Variants in PCDHGA10 observed in about 807,000 individuals in gnomAD.
PCDHGA10 encodes the protein protocadherin gamma subfamily A, 10, also known as protocadherin gamma-A10.
In PCDHGA10, 42 loss-of-function variants were observed where a neutral mutation model predicts 59.5. That is an observed-to-expected ratio of 0.71 (90% CI 0.55 to 0.91). The LOEUF (loss-of-function observed/expected upper bound fraction) is 0.91. Ranked by LOEUF, PCDHGA10 falls within the 40% of genes least tolerant of loss-of-function variation. The probability of loss-of-function intolerance (pLI) is 0.00; values close to 1 mark genes in which losing one functional copy is unlikely to be tolerated. For synonymous variants in PCDHGA10, 511 were observed against 517.2 expected, an observed-to-expected ratio of 0.99 and a Z score of 0.16; for missense variants, 1,111 against 1,198.2, an observed-to-expected ratio of 0.93 and a Z score of 1.07.
In PCDHGA10 at chr5:141,431,964, A is replaced by G; in HGVS notation, c.2436+16353A>G. On this transcript the variant is annotated intron_variant, in intron 1 of 3. Coordinates refer to ENST00000398610, the MANE Select transcript of PCDHGA10 (RefSeq NM_018913.3). The surrounding 1 kb of genome is among the most constrained non-coding windows in gnomAD (Gnocchi z 4.8). Reference sequence around the variant, plus strand: ...TTAGAAAAATCTTACGGAAATTACTATAGTTTAGTCACAGACATAGTCTTG... The same window carrying G: ...TTAGAAAAATCTTACGGAAATTACTGTAGTTTAGTCACAGACATAGTCTTG... 2.5e-6 allele frequency: 4 copies of G among 1,614,218 alleles called. No individual in the cohort carries two copies. The highest frequency in any genetic ancestry group is 2.5e-6 in the Non-Finnish European group (3 of 1,180,028).
At chr5:141,481,718 C>T (rs942120251) in intron 1 of PCDHGA10, among the ~76,000 whole-genome samples, 6 of 152,082 alleles carry the variant, frequency 3.9e-5, no homozygotes, top group East Asian at 1.9e-4. Context: ...CTTTGGGAGG[C>T]GGAGGCGGGC....
chr5:141,415,880 A>G, intron 1 of PCDHGA10: 1 of 1,003,078 alleles, frequency 1.0e-6, no homozygotes. Flanking sequence ...TGAGTACAAT[A>G]TTGACAATTC....
intron 1 of PCDHGA10, chr5:141,423,244 C>T: frequency 1.2e-6 from 2 of 1,613,984 alleles, no homozygotes; most frequent in Non-Finnish European, 1.7e-6. Context: ...CCCCGAAGTC[C>T]TGGCGGACCT....
At position 141,431,337 on chromosome 5, in the gene PCDHGA10, A is replaced by C. The variant is rs1412811147; in HGVS notation, c.2436+15726A>C. On this transcript the variant is annotated intron_variant, in intron 1 of 3. Coordinates refer to ENST00000398610, the MANE Select transcript of PCDHGA10 (RefSeq NM_018913.3). The surrounding 1 kb of genome is among the most constrained non-coding windows in gnomAD (Gnocchi z 4.8). ...GGAGCCGACGGTAGTAAGTACCCCG[A>C]ATTGGTGCTGAAACGCGCCCTGGAC... 6.2e-7 allele frequency: 1 copy of C among 1,613,926 alleles called. No homozygotes were observed. The highest frequency in any genetic ancestry group is 1.7e-5 in the Admixed American group (1 of 60,006).
rs1057374827 is a variant in PCDHGA10, at chr5:141,485,503, C to G, written c.2437-9304C>G. 3.1e-6 allele frequency: 5 copies of G among 1,613,978 alleles called. No homozygotes were observed. Among genetic ancestry groups the G allele is most frequent in the Non-Finnish European group, 4.2e-6 (5 of 1,180,016 alleles). On this transcript the variant is annotated intron_variant, in intron 1 of 3. Coordinates refer to ENST00000398610, the MANE Select transcript of PCDHGA10 (RefSeq NM_018913.3). This position sits in a 1 kb window ranked among gnomAD's most constrained non-coding sequence, Gnocchi z 5.7. ...GCATCGTGCCCCTGGAGTTTGTCACCGAAGGTCCTTTGGAAATGTACCGAG... is the reference window on the plus strand; with the variant it reads ...GCATCGTGCCCCTGGAGTTTGTCACGGAAGGTCCTTTGGAAATGTACCGAG...
chr5:141,432,087 C>G lies in PCDHGA10; in HGVS notation c.2436+16476C>G. On this transcript the variant is annotated intron_variant, in intron 1 of 3. Coordinates refer to ENST00000398610, the MANE Select transcript of PCDHGA10 (RefSeq NM_018913.3). This position sits in a 1 kb window ranked among gnomAD's most constrained non-coding sequence, Gnocchi z 6.0. ...GAAACTCATATCTCGCTGAACGTGG[C>G]AGACACCAACGACAACCCGCCGGTC... 3 of 1,614,178 alleles carry G rather than the reference C, an allele frequency of 1.9e-6. No homozygotes were observed. The highest frequency in any genetic ancestry group is 2.5e-6 in the Non-Finnish European group (3 of 1,180,042).
In PCDHGA10 at chr5:141,489,104, A is replaced by C; in HGVS notation, c.2437-5703A>C. The stretch of plus-strand genomic sequence containing the variant: ...CCACTCGGTGACTAAGAACTGCTGC[A>C]AGCAGGCAAACCTCCGAGCAGTTTT... On this transcript the variant is annotated intron_variant, in intron 1 of 3. Coordinates refer to ENST00000398610, the MANE Select transcript of PCDHGA10 (RefSeq NM_018913.3). The surrounding 1 kb of genome is among the most constrained non-coding windows in gnomAD (Gnocchi z 4.5). 2.5e-6 allele frequency: 1 copy of C among 405,816 alleles called. No individual in the cohort carries two copies. Among genetic ancestry groups the C allele is most frequent in the Non-Finnish European group, 4.3e-6 (1 of 232,372 alleles). 25.1% of individuals were successfully genotyped at this position (405,816 alleles called of 1,614,324 possible). A position where few individuals can be genotyped will look rare whatever the true frequency, so the allele number is the denominator to read the frequency against.
intron 2 of PCDHGA10, among the ~76,000 whole-genome samples, chr5:141,503,855 TA>T (rs2099832899): frequency 1.3e-5 from 2 of 152,136 alleles, no homozygotes; most frequent in Non-Finnish European, 2.9e-5. Context: ...GGAAAAATTG[TA>T]AAGCAGTTCT....
chr5:141,492,870 C>G (rs2099744684), intron 1 of PCDHGA10, among the ~76,000 whole-genome samples: 1 of 152,192 alleles, frequency 6.6e-6, no homozygotes, highest in African/African-American at 2.4e-5. Flanking sequence ...TGGCTCTCAA[C>G]CCCCAGAGAT....
intron 1 of PCDHGA10, chr5:141,430,824 C>T: frequency 6.5e-7 from 1 of 1,547,704 alleles, no homozygotes; most frequent in Non-Finnish European, 8.7e-7. Flanking sequence ...CTCCTGGGGA[C>T]TCTGTGGGAG....
At chr5:141,429,726 C>T (rs931967000) in intron 1 of PCDHGA10, among the ~76,000 whole-genome samples, 23 of 152,068 alleles carry the variant, frequency 1.5e-4, no homozygotes, top group Admixed American at 1.3e-4. Flanking sequence ...CATGAAAGTA[C>T]GTAGCCAGTT....
At chr5:141,453,482 A>T (rs979979155) in intron 1 of PCDHGA10, among the ~76,000 whole-genome samples, 1 of 151,990 alleles carries the variant, frequency 6.6e-6, no homozygotes, top group Non-Finnish European at 1.5e-5. Context: ...CAAAACTATT[A>T]AAAAAAGGTG....
chr5:141,511,823 GC>G lies in PCDHGA10; in HGVS notation c.*653del, dbSNP rs2099883963. On this transcript the variant is annotated 3_prime_UTR_variant, in exon 4 of 4. Coordinates refer to ENST00000398610, the MANE Select transcript of PCDHGA10 (RefSeq NM_018913.3). The stretch of plus-strand genomic sequence containing the variant: ...TTTTGCTACCAAGCCTCTTCCCAAC[GC>G]CCTGGGGACCAGTCTTCTGTTTTGT... The G allele has an allele frequency of 6.4e-6, 1 of 156,728 alleles. No individual in the cohort carries two copies. The highest frequency in any genetic ancestry group is 1.9e-4 in the South Asian group (1 of 5,164). 9.7% of individuals were successfully genotyped at this position (156,728 alleles called of 1,614,324 possible).
At position 141,476,002 on chromosome 5, in the gene PCDHGA10, C is replaced by A; in HGVS notation, c.2437-18805C>A. 1 of 1,247,396 alleles carries A rather than the reference C, an allele frequency of 8.0e-7. No individual in the cohort carries two copies. Among genetic ancestry groups the A allele is most frequent in the Non-Finnish European group, 1.1e-6 (1 of 904,880 alleles). 77.3% of individuals were successfully genotyped at this position (1,247,396 alleles called of 1,614,324 possible). ...AGCCGGCGAGCAAATCAACGGCATC[C>A]AGAAAGCCATGTCGGACTCGGCGCC... On this transcript the variant is annotated intron_variant, in intron 1 of 3. Transcript: ENST00000398610. This position sits in a 1 kb window ranked among gnomAD's most constrained non-coding sequence, Gnocchi z 7.6.
chr5:141,454,142 C>T (rs2098782408), intron 1 of PCDHGA10, among the ~76,000 whole-genome samples: 1 of 152,222 alleles, frequency 6.6e-6, no homozygotes, highest in Non-Finnish European at 1.5e-5. Context: ...GGAATGTTCA[C>T]ACTGCTACTT....
chr5:141,470,242 T>G (rs1301513342), intron 1 of PCDHGA10, among the ~76,000 whole-genome samples: 1 of 152,226 alleles, frequency 6.6e-6, no homozygotes, highest in African/African-American at 2.4e-5. Flanking sequence ...CCCTTGAATG[T>G]CCCACCTGTC....
At chr5:141,501,510 T>A (rs11744379) in intron 2 of PCDHGA10, among the ~76,000 whole-genome samples, 1 of 151,824 alleles carries the variant, frequency 6.6e-6, no homozygotes, top group African/African-American at 2.4e-5. Flanking sequence ...CTCCAAGGCC[T>A]CCAAGCTGAA....
intron 1 of PCDHGA10, chr5:141,475,885 A>G (rs1593590954): frequency 1.8e-6 from 1 of 556,524 alleles, no homozygotes. Flanking sequence ...ATTGGCTGGG[A>G]CTCTGTGTGC....
At position 141,431,590 on chromosome 5, in the gene PCDHGA10, G is replaced by A; in HGVS notation, c.2436+15979G>A. On this transcript the variant is annotated intron_variant, in intron 1 of 3. Transcript: ENST00000398610. The surrounding 1 kb of genome is among the most constrained non-coding windows in gnomAD (Gnocchi z 4.8). ...CTGACGAAGGAGTCAATGCGGAAGT[G>A]AGGTATTCCTTCCGGTATGTGGACG... 1.2e-6 allele frequency: 2 copies of A among 1,614,240 alleles called. No homozygotes were observed. Among genetic ancestry groups the A allele is most frequent in the South Asian group, 1.1e-5 (1 of 91,090 alleles).
Sources: gnomAD v4.1 joint callset for allele counts (sites outside exome capture counted in the v4.1 genomes callset) on GRCh38, gnomAD v4.1.1 for gene constraint, Gnocchi (gnomAD v3.1) non-coding constraint, MANE v1.5 for transcripts, NCBI Gene and HGNC (gene_info 2026-07-23, HGNC 2026-07-21) for gene names.